MEI4: variants seen among roughly 807,000 people sequenced by gnomAD.
The protein encoded by MEI4 is meiosis-specific protein MEI4.
A neutral mutation model predicts 31.4 loss-of-function variants in MEI4; 27 were observed. The ratio of observed to expected loss-of-function variants is 0.86; its 90% confidence interval spans 0.63 to 1.19. MEI4 has a LOEUF of 1.19. Ranked by LOEUF, MEI4 falls within the 50% of genes most tolerant of loss-of-function variation. MEI4 has a pLI of 0.00. For synonymous variants in MEI4, 122 were observed against 145.4 expected, an observed-to-expected ratio of 0.84 and a Z score of 1.16; for missense variants, 329 against 398.9, an observed-to-expected ratio of 0.82 and a Z score of 1.49.
At chr6:77,759,603 C>T (rs942677787) in intron 2 of MEI4, among the ~76,000 whole-genome samples, 1 of 152,154 alleles carries the variant, frequency 6.6e-6, no homozygotes, top group Non-Finnish European at 1.5e-5. Context: ...AAGTCAGAAC[C>T]ATGGAATGCA....
chr6:77,788,398 G>T (rs1015829020), intron 3 of MEI4, among the ~76,000 whole-genome samples: 6 of 152,140 alleles, frequency 3.9e-5, no homozygotes, highest in East Asian at 3.9e-4. Context: ...GGAAGTTCTG[G>T]CCAGGACAAT....
At chr6:77,852,989 G>A (rs558323046) in intron 4 of MEI4, among the ~76,000 whole-genome samples, 8 of 152,026 alleles carry the variant, frequency 5.3e-5, no homozygotes, top group Non-Finnish European at 1.0e-4. Flanking sequence ...ACCTGAGGTC[G>A]GGAGTTTGAG....
At chr6:77,656,413 T>A (rs1768396012) in intron 1 of MEI4, among the ~76,000 whole-genome samples, 2 of 152,278 alleles carry the variant, frequency 1.3e-5, no homozygotes, top group African/African-American at 4.8e-5. Flanking sequence ...TTGTTTATGA[T>A]CCATTCCTTT....
intron 1 of MEI4, among the ~76,000 whole-genome samples, chr6:77,670,137 A>C (rs1318598984): frequency 6.6e-6 from 1 of 152,138 alleles, no homozygotes; most frequent in Admixed American, 6.5e-5. Context: ...TCAACTATTT[A>C]TGGGAAATTT....
chr6:77,750,793 T>C (rs1005901355), intron 2 of MEI4, among the ~76,000 whole-genome samples: 2 of 152,142 alleles, frequency 1.3e-5, no homozygotes, highest in Non-Finnish European at 2.9e-5. Flanking sequence ...TACAGGACTC[T>C]CCACCCCAAA....
At chr6:77,786,054 C>A (rs970049971) in intron 3 of MEI4, among the ~76,000 whole-genome samples, 2 of 152,050 alleles carry the variant, frequency 1.3e-5, no homozygotes, top group Admixed American at 1.3e-4. Flanking sequence ...TCCCAAATGC[C>A]TTTCAGGTAT....
At position 77,755,300 on chromosome 6, in the gene MEI4, T is replaced by A. The variant is rs189566229; in HGVS notation, c.233-5830T>A. 1.4e-3 allele frequency among the ~76,000 whole-genome samples: 213 copies of A among 152,156 alleles called. 1 individual carries two copies. Among genetic ancestry groups the A allele is most frequent in the African/African-American group, 4.5e-3 (187 of 41,542 alleles). ...GTAAATTAGTTCAAGGTGGACCTTATAAACAGAAAAAAAATGTAAGGGTTA... is the reference window on the plus strand; with the variant it reads ...GTAAATTAGTTCAAGGTGGACCTTAAAAACAGAAAAAAAATGTAAGGGTTA... On this transcript the variant is annotated intron_variant, in intron 2 of 4. Transcript: ENST00000684080.
intron 4 of MEI4, among the ~76,000 whole-genome samples, chr6:77,884,713 G>A (rs1235727245): frequency 5.3e-5 from 8 of 152,080 alleles, no homozygotes; most frequent in Non-Finnish European, 8.8e-5. Flanking sequence ...TTTGGTGGAT[G>A]GGCCCGTTTT....
At chr6:77,782,560 G>T (rs1768620066) in intron 3 of MEI4, among the ~76,000 whole-genome samples, 1 of 152,098 alleles carries the variant, frequency 6.6e-6, no homozygotes, top group Non-Finnish European at 1.5e-5. Flanking sequence ...AGATGACATT[G>T]AGCCTTTTTA....
intron 2 of MEI4, among the ~76,000 whole-genome samples, chr6:77,696,865 G>T (rs1766059835): frequency 6.6e-6 from 1 of 152,148 alleles, no homozygotes. Flanking sequence ...AGTACCTCTG[G>T]TAGAATTCGG....
intron 1 of MEI4, among the ~76,000 whole-genome samples, chr6:77,655,769 ACG>A (rs1768382860): frequency 2.6e-5 from 4 of 152,244 alleles, no homozygotes; most frequent in African/African-American, 9.6e-5. Context: ...TAAATGACAG[ACG>A]TCAGTAGACT....
intron 2 of MEI4, among the ~76,000 whole-genome samples, chr6:77,709,184 T>G (rs537130205): frequency 1.2e-4 from 19 of 152,322 alleles, no homozygotes; most frequent in African/African-American, 4.6e-4. Flanking sequence ...TGTCAGCTAT[T>G]TTTTTGTGCT....
At chr6:77,747,888 G>A (rs766825392) in intron 2 of MEI4, among the ~76,000 whole-genome samples, 3 of 152,184 alleles carry the variant, frequency 2.0e-5, no homozygotes, top group Non-Finnish European at 2.9e-5. Flanking sequence ...ACTGGTGTTG[G>A]GTAAATGCTC....
intron 4 of MEI4, among the ~76,000 whole-genome samples, chr6:77,911,268 C>T (rs2127738911): frequency 6.6e-6 from 1 of 152,110 alleles, no homozygotes; most frequent in African/African-American, 2.4e-5. Context: ...CTTCTTAGTT[C>T]AATATAGTCC....
chr6:77,701,621 A>C (rs1766223755), intron 2 of MEI4, among the ~76,000 whole-genome samples: 1 of 151,852 alleles, frequency 6.6e-6, no homozygotes, highest in South Asian at 2.1e-4. Flanking sequence ...ATATAAATAT[A>C]ACAATATATT....
At chr6:77,737,663 A>G (rs1767288000) in intron 2 of MEI4, among the ~76,000 whole-genome samples, 1 of 152,102 alleles carries the variant, frequency 6.6e-6, no homozygotes, top group South Asian at 2.1e-4. Flanking sequence ...CCTTGAGACT[A>G]TTGGGAGTGG....
At chr6:77,709,237 T>C (rs1766401905) in intron 2 of MEI4, among the ~76,000 whole-genome samples, 1 of 152,234 alleles carries the variant, frequency 6.6e-6, no homozygotes, top group South Asian at 2.1e-4. Context: ...GGAAGCTGTT[T>C]CTTACGTTTC....
chr6:77,663,088 G>GAGT (rs1464460849), intron 1 of MEI4, among the ~76,000 whole-genome samples: 2 of 152,254 alleles, frequency 1.3e-5, no homozygotes, highest in Non-Finnish European at 2.9e-5. Flanking sequence ...GAGGATAGGA[G>GAGT]AGTATATGGG....
chr6:77,733,057 A>G (rs1317305670), intron 2 of MEI4, among the ~76,000 whole-genome samples: 3 of 151,886 alleles, frequency 2.0e-5, no homozygotes, highest in Admixed American at 6.6e-5. Context: ...TTTTGCATCA[A>G]TGTTCATCAA....
Sources: gnomAD v4.1 joint callset for allele counts (sites outside exome capture counted in the v4.1 genomes callset) on GRCh38, gnomAD v4.1.1 for gene constraint, MANE v1.5 for transcripts, NCBI Gene and HGNC (gene_info 2026-07-23, HGNC 2026-07-21) for gene names.